MSH4: variants seen among roughly 807,000 people sequenced by gnomAD.
MSH4 encodes the protein mutS homolog 4.
Under a neutral mutation model 113.7 loss-of-function variants are expected in MSH4, and 106 were observed. The observed-to-expected ratio is 0.93, with a 90% CI of 0.80 to 1.10. MSH4 has a LOEUF of 1.10. Among genes scored for constraint, MSH4 ranks in the 50% least tolerant of loss-of-function variants. MSH4 has a pLI of 0.00. For missense variants in MSH4, 1,061 were observed against 1,093.7 expected (o/e 0.97, Z 0.42); for synonymous variants, 368 against 380.2 (o/e 0.97, Z 0.37).
intron 3 of MSH4, 120 bp downstream of exon 3, chr1:75,807,261 A>G (rs1048996357): frequency 4.5e-6 from 3 of 662,348 alleles, no homozygotes; most frequent in Non-Finnish European, 2.3e-6. Context: ...TATTATGTCA[A>G]TGTAAATACT....
intron 9 of MSH4, among the ~76,000 whole-genome samples, chr1:75,869,334 T>A (rs1281686101): frequency 6.6e-6 from 1 of 151,986 alleles, no homozygotes; most frequent in Non-Finnish European, 1.5e-5. Flanking sequence ...GTTTGGAAAA[T>A]TTGCAGCCTG....
At chr1:75,857,304 T>A (rs1651341434) in intron 8 of MSH4, among the ~76,000 whole-genome samples, 1 of 152,218 alleles carries the variant, frequency 6.6e-6, no homozygotes, top group African/African-American at 2.4e-5. Context: ...TAGGTCCCAC[T>A]TGTCAATTTT....
At chr1:75,867,273 G>C (rs1162838822) in intron 8 of MSH4, among the ~76,000 whole-genome samples, 1 of 152,144 alleles carries the variant, frequency 6.6e-6, no homozygotes, top group Non-Finnish European at 1.5e-5. Context: ...GATTGAAATA[G>C]AAATGAAAAT....
intron 2 of MSH4, among the ~76,000 whole-genome samples, chr1:75,805,426 T>A (rs1368337192): frequency 1.3e-5 from 2 of 150,352 alleles, no homozygotes; most frequent in Non-Finnish European, 3.0e-5. Flanking sequence ...CTTGTTCTAT[T>A]GCCCAGGCTG....
intron 7 of MSH4, among the ~76,000 whole-genome samples, chr1:75,845,563 G>C (rs1391892226): frequency 6.6e-6 from 1 of 152,142 alleles, no homozygotes; most frequent in East Asian, 1.9e-4. Context: ...CCCACATCAG[G>C]GGCACAGTGG....
intron 11 of MSH4, among the ~76,000 whole-genome samples, chr1:75,878,720 C>G (rs1484521816): frequency 6.6e-6 from 1 of 151,698 alleles, no homozygotes; most frequent in African/African-American, 2.4e-5. Context: ...ACTCCGGAGG[C>G]TGAGGTAGGA....
chr1:75,832,612 G>A lies in MSH4; in HGVS notation c.1162+10031G>A, dbSNP rs1408616850. On this transcript the variant is annotated intron_variant, in intron 7 of 19. Coordinates refer to ENST00000263187, the MANE Select transcript of MSH4 (RefSeq NM_002440.4). Reference sequence around the variant, plus strand: ...ACGATCAAGGCGGCTTTCTCCCTGGGATGCAAGGGTGGTTCAACATACTTT... The same window carrying A: ...ACGATCAAGGCGGCTTTCTCCCTGGAATGCAAGGGTGGTTCAACATACTTT... 1.1e-4 allele frequency among the ~76,000 whole-genome samples: 17 copies of A among 152,266 alleles called. No homozygotes were observed. The East Asian group carries it at 2.7e-3, about 24-fold the overall frequency.
intron 12 of MSH4, among the ~76,000 whole-genome samples, 199 bp downstream of exon 12, chr1:75,879,327 T>C (rs1419263601): frequency 1.3e-5 from 2 of 152,156 alleles, no homozygotes; most frequent in African/African-American, 4.8e-5. Context: ...CTCAGTGTTT[T>C]CCACAGTTCT....
rs1651855083 is a variant in MSH4 at position 75,878,156 on chromosome 1, A to G, written c.1378A>G (p.Ile460Val). The G allele has an allele frequency of 6.3e-7, 1 of 1,588,166 alleles. No homozygotes were observed. The highest frequency in any genetic ancestry group is 1.4e-5 in the African/African-American group (1 of 73,738). ...TTTTGGCCTTAATATTAGGTTTGGA[A>G]TCATACTTGAAAAGATTAAAACAGT... ...YGSLEDKRFG[I>V]ILEKIKTVIN... The change falls in exon 11 of 20, where the codon ATC becomes GTC. Residue 460 changes from isoleucine (I) to valine (V), a missense_variant. Physicochemically the swap from Ile to Val is conservative, Grantham distance 29. Coordinates refer to ENST00000263187, the MANE Select transcript of MSH4 (RefSeq NM_002440.4).
At chr1:75,842,209 G>A (rs1650973390) in intron 7 of MSH4, among the ~76,000 whole-genome samples, 1 of 152,160 alleles carries the variant, frequency 6.6e-6, no homozygotes, top group Non-Finnish European at 1.5e-5. Context: ...CTGAAGACCT[G>A]GGAATGTTCA....
At chr1:75,843,088 C>G (rs1031704430) in intron 7 of MSH4, among the ~76,000 whole-genome samples, 2 of 152,234 alleles carry the variant, frequency 1.3e-5, no homozygotes, top group East Asian at 1.9e-4. Flanking sequence ...TGTCTCCTCT[C>G]TCTCTCTGCC....
At chr1:75,898,936 A>G (rs1208632153) in intron 18 of MSH4, among the ~76,000 whole-genome samples, 1 of 152,180 alleles carries the variant, frequency 6.6e-6, no homozygotes, top group African/African-American at 2.4e-5. Context: ...AATTTTTTAT[A>G]TATGTAGAGT....
chr1:75,801,013 A>G (rs2100499708), intron 1 of MSH4, among the ~76,000 whole-genome samples: 1 of 152,348 alleles, frequency 6.6e-6, no homozygotes, highest in Non-Finnish European at 1.5e-5. Context: ...TTATTGAACA[A>G]TGCAGGTATA....
At chr1:75,834,280 A>G (rs899175876) in intron 7 of MSH4, among the ~76,000 whole-genome samples, 1 of 152,220 alleles carries the variant, frequency 6.6e-6, no homozygotes, top group Non-Finnish European at 1.5e-5. Flanking sequence ...TCAGGAAATA[A>G]CAAGTGCTGG....
chr1:75,908,211 T>C (rs1418621512), intron 19 of MSH4, among the ~76,000 whole-genome samples: 3 of 149,712 alleles, frequency 2.0e-5, no homozygotes, highest in Non-Finnish European at 4.4e-5. Flanking sequence ...AGTGGTGTGA[T>C]CTCAGCTCAC....
At chr1:75,898,893 G>T in intron 18 of MSH4, among the ~76,000 whole-genome samples, 1 of 152,100 alleles carries the variant, frequency 6.6e-6, no homozygotes, top group Admixed American at 6.5e-5. Flanking sequence ...TAAAATTTAT[G>T]AGCCTCAATT....
At chr1:75,852,919 T>C (rs1420587150) in intron 8 of MSH4, among the ~76,000 whole-genome samples, 1 of 152,186 alleles carries the variant, frequency 6.6e-6, no homozygotes, top group African/African-American at 2.4e-5. Context: ...GATACTTACA[T>C]CCTTGCTTTT....
chr1:75,895,039 A>G (rs928223561), intron 17 of MSH4, among the ~76,000 whole-genome samples: 1 of 152,120 alleles, frequency 6.6e-6, no homozygotes, highest in East Asian at 1.9e-4. Context: ...TCCAGTTTCT[A>G]TAACCTTGCT....
intron 1 of MSH4, 48 bp downstream of exon 1, chr1:75,797,277 A>G: frequency 1.0e-5 from 16 of 1,561,836 alleles, no homozygotes; most frequent in Middle Eastern, 2.2e-4. Context: ...AGAGGCCGGC[A>G]GTTCATGGAG....
Sources: gnomAD v4.1 joint callset for allele counts (sites outside exome capture counted in the v4.1 genomes callset) on GRCh38, gnomAD v4.1.1 for gene constraint, MANE v1.5 for transcripts, NCBI Gene and HGNC (gene_info 2026-07-23, HGNC 2026-07-21) for gene names.